The following CCDC91 variants were observed in gnomAD, a reference collection of about 807,000 sequenced individuals.
CCDC91 encodes coiled-coil domain-containing protein 91.
Under a neutral mutation model 63.2 loss-of-function variants are expected in CCDC91, and 48 were observed. The ratio of observed to expected loss-of-function variants is 0.76; its 90% confidence interval spans 0.60 to 0.97. CCDC91 has a LOEUF of 0.97. Among genes scored for constraint, CCDC91 ranks in the 50% least tolerant of loss-of-function variants. CCDC91 has a pLI of 0.00. For missense variants in CCDC91, 500 were observed against 494.6 expected, an observed-to-expected ratio of 1.01 and a Z score of -0.10; for synonymous variants, 167 against 165.8, an observed-to-expected ratio of 1.01 and a Z score of -0.06.
intron 6 of CCDC91, among the ~76,000 whole-genome samples, chr12:28,352,887 C>A (rs1943274373): frequency 6.6e-6 from 1 of 152,214 alleles, no homozygotes; most frequent in South Asian, 2.1e-4. Flanking sequence ...TAGCCCCTAA[C>A]AAGAGTGTCA....
At chr12:28,271,086 G>GGT (rs760668426) in intron 3 of CCDC91, among the ~76,000 whole-genome samples, 14 of 152,096 alleles carry the variant, frequency 9.2e-5, no homozygotes, top group Non-Finnish European at 1.8e-4. Context: ...GAGTGAGGTA[G>GGT]GTACCGCATT....
chr12:28,244,870 CAA>C (rs142737936), intron 1 of CCDC91, among the ~76,000 whole-genome samples: 2 of 129,376 alleles, frequency 1.5e-5, no homozygotes. Flanking sequence ...AACTCTGTCT[CAA>C]AAAAAAAAAA....
intron 12 of CCDC91, among the ~76,000 whole-genome samples, chr12:28,535,816 C>G (rs376993444): frequency 6.6e-6 from 1 of 151,986 alleles, no homozygotes; most frequent in East Asian, 1.9e-4. Flanking sequence ...ATCATGAGGT[C>G]AGGAGATCAA....
At chr12:28,501,815 G>A (rs528861474) in intron 12 of CCDC91, among the ~76,000 whole-genome samples, 14 of 151,446 alleles carry the variant, frequency 9.2e-5, no homozygotes, top group African/African-American at 3.1e-4. Flanking sequence ...GGTAGAATTC[G>A]GCTGTGAATC....
At chr12:28,327,658 C>T (rs1462465901) in intron 6 of CCDC91, among the ~76,000 whole-genome samples, 1 of 152,156 alleles carries the variant, frequency 6.6e-6, no homozygotes, top group Admixed American at 6.5e-5. Context: ...TGCTTCTAAA[C>T]CCACTTCTTG....
intron 11 of CCDC91, among the ~76,000 whole-genome samples, chr12:28,459,401 G>A (rs1380161591): frequency 1.3e-5 from 2 of 152,120 alleles, no homozygotes; most frequent in Non-Finnish European, 2.9e-5. Context: ...TATAGGACCA[G>A]CACTGTTTTA....
intron 6 of CCDC91, among the ~76,000 whole-genome samples, chr12:28,343,186 A>G (rs1349973945): frequency 1.2e-4 from 9 of 75,074 alleles, no homozygotes; most frequent in African/African-American, 3.1e-4. Flanking sequence ...ATACATTGAC[A>G]TATATTGTGT....
chr12:28,296,637 G>A (rs1949580926), intron 3 of CCDC91, among the ~76,000 whole-genome samples: 1 of 151,600 alleles, frequency 6.6e-6, no homozygotes, highest in East Asian at 1.9e-4. Flanking sequence ...TACATATAAT[G>A]TATAAACATA....
intron 1 of CCDC91, among the ~76,000 whole-genome samples, chr12:28,224,095 T>C (rs1944121011): frequency 6.6e-6 from 1 of 152,222 alleles, no homozygotes; most frequent in African/African-American, 2.4e-5. Flanking sequence ...TTGGTTGTTT[T>C]AAAAACTGTT....
intron 1 of CCDC91, among the ~76,000 whole-genome samples, chr12:28,233,084 T>C (rs764621203): frequency 1.4e-4 from 21 of 152,028 alleles, no homozygotes; most frequent in Non-Finnish European, 2.5e-4. Context: ...TTAAAAAAAT[T>C]AATGTGTAAT....
chr12:28,241,742 A>T (rs1332602704), intron 1 of CCDC91, among the ~76,000 whole-genome samples: 1 of 152,092 alleles, frequency 6.6e-6, no homozygotes, highest in Admixed American at 6.6e-5. Context: ...CACACCTGTA[A>T]TCCCAGCACT....
intron 8 of CCDC91, among the ~76,000 whole-genome samples, chr12:28,440,784 A>C (rs79708115): frequency 0.21 from 32,419 of 151,618 alleles, 4,190 homozygotes; most frequent in Non-Finnish European, 0.3. Context: ...AGAGGCTGGG[A>C]GCAGTGGCTC....
At chr12:28,474,907 G>C (rs550836296) in intron 11 of CCDC91, among the ~76,000 whole-genome samples, 1 of 152,006 alleles carries the variant, frequency 6.6e-6, no homozygotes, top group East Asian at 1.9e-4. Flanking sequence ...TGAACAACCT[G>C]CTCCTGAAGG....
intron 3 of CCDC91, among the ~76,000 whole-genome samples, chr12:28,278,947 A>G (rs1948419886): frequency 6.6e-6 from 1 of 152,060 alleles, no homozygotes; most frequent in African/African-American, 2.4e-5. Context: ...CATATTATAT[A>G]ACTTATATAC....
intron 6 of CCDC91, among the ~76,000 whole-genome samples, chr12:28,347,823 A>G (rs1942915512): frequency 6.6e-6 from 1 of 152,226 alleles, no homozygotes. Flanking sequence ...TTGTTATATC[A>G]GTGTATTTCT....
At chr12:28,372,410 C>A (rs542399688) in intron 7 of CCDC91, among the ~76,000 whole-genome samples, 1 of 152,076 alleles carries the variant, frequency 6.6e-6, no homozygotes, top group Admixed American at 6.5e-5. Context: ...CTGTAGATTG[C>A]TTTGGGCAGT....
intron 1 of CCDC91, among the ~76,000 whole-genome samples, chr12:28,192,292 G>A (rs1324518468): frequency 6.6e-6 from 1 of 152,176 alleles, no homozygotes; most frequent in East Asian, 1.9e-4. Context: ...ATCTATATGT[G>A]TCAGATGTAT....
intron 12 of CCDC91, among the ~76,000 whole-genome samples, chr12:28,492,258 T>C (rs1952054639): frequency 6.6e-6 from 1 of 151,738 alleles, no homozygotes; most frequent in Non-Finnish European, 1.5e-5. Context: ...ATACCCTTAA[T>C]AGTTGGAGCA....
Position 28,360,254 on chromosome 12 carries a change from G to A in CCDC91, c.577-2184G>A, listed in dbSNP as rs550344419. Among the ~76,000 whole-genome samples the A allele has an allele frequency of 2.0e-5, 3 of 152,348 alleles. No individual in the cohort carries two copies. In the East Asian group the frequency reaches 5.8e-4, roughly 29 times the overall value. ...AGATGTTGATAATGAAATGGAACCT[G>A]TTTAATCAGTAAGGTATAATAAATA... On this transcript the variant is annotated intron_variant, in intron 6 of 12. Transcript: ENST00000536442.
Sources: gnomAD v4.1 joint callset for allele counts (sites outside exome capture counted in the v4.1 genomes callset) on GRCh38, gnomAD v4.1.1 for gene constraint, MANE v1.5 for transcripts, NCBI Gene and HGNC (gene_info 2026-07-23, HGNC 2026-07-21) for gene names.